Variants in OBI1 observed in about 807,000 individuals in gnomAD.
The protein encoded by OBI1 is ORC ubiquitin ligase 1.
A neutral mutation model predicts 62.4 loss-of-function variants in OBI1; 59 were observed. The observed-to-expected ratio is 0.95, with a 90% CI of 0.77 to 1.17. The LOEUF (loss-of-function observed/expected upper bound fraction) is 1.17. Among genes scored for constraint, OBI1 ranks in the 50% most tolerant of loss-of-function variants. The pLI is 0.00. For missense variants in OBI1, 875 were observed against 830.9 expected, an observed-to-expected ratio of 1.05 and a Z score of -0.65; for synonymous variants, 302 against 292.8, an observed-to-expected ratio of 1.03 and a Z score of -0.32.
At chr13:78,650,323 G>A (rs893611093) in intron 1 of OBI1, among the ~76,000 whole-genome samples, 1 of 152,198 alleles carries the variant, frequency 6.6e-6, no homozygotes, top group African/African-American at 2.4e-5. Context: ...TTGAAGTAAT[G>A]GTAGAGAATA....
At chr13:78,634,365 G>A (rs1243635949) in intron 5 of OBI1, among the ~76,000 whole-genome samples, 14 of 151,890 alleles carry the variant, frequency 9.2e-5, no homozygotes, top group African/African-American at 1.2e-4. Flanking sequence ...CATGATCTCG[G>A]CCCAATGCAA....
intron 4 of OBI1, among the ~76,000 whole-genome samples, chr13:78,638,399 G>T (rs1469653762): frequency 6.6e-6 from 1 of 152,142 alleles, no homozygotes; most frequent in African/African-American, 2.4e-5. Flanking sequence ...GAGAGTGGTA[G>T]CAAAAGAAAA....
At chr13:78,636,846 A>G (rs1331250594) in intron 4 of OBI1, among the ~76,000 whole-genome samples, 2 of 152,174 alleles carry the variant, frequency 1.3e-5, no homozygotes, top group Non-Finnish European at 2.9e-5. Context: ...CTTAAATTAG[A>G]AACTCATTTG....
intron 5 of OBI1, among the ~76,000 whole-genome samples, chr13:78,627,906 A>G (rs111292804): frequency 2.6e-5 from 4 of 152,188 alleles, no homozygotes; most frequent in Non-Finnish European, 4.4e-5. Flanking sequence ...TTACTTGTTT[A>G]TTCATTCAAT....
At chr13:78,656,931 G>A (rs1158735028) in intron 1 of OBI1, among the ~76,000 whole-genome samples, 4 of 150,900 alleles carry the variant, frequency 2.7e-5, no homozygotes, top group Non-Finnish European at 2.9e-5. Context: ...GATTACAGGC[G>A]CCTGCCACCA....
chr13:78,656,580 CT>C (rs1477145224), intron 1 of OBI1, among the ~76,000 whole-genome samples: 1 of 149,482 alleles, frequency 6.7e-6, no homozygotes, highest in Non-Finnish European at 1.5e-5. Flanking sequence ...GAAACTCCGT[CT>C]CAGAAAAAAA....
At chr13:78,634,127 AAAAC>A (rs964831159) in intron 5 of OBI1, among the ~76,000 whole-genome samples, 10 of 151,982 alleles carry the variant, frequency 6.6e-5, no homozygotes, top group Non-Finnish European at 1.0e-4. Flanking sequence ...ACAACAAAAA[AAAAC>A]AAACTACTCC....
intron 3 of OBI1, among the ~76,000 whole-genome samples, chr13:78,641,457 A>C (rs763226588): frequency 1.3e-5 from 2 of 152,190 alleles, no homozygotes; most frequent in Non-Finnish European, 2.9e-5. Flanking sequence ...GAGGGGATCG[A>C]TATCTCCTTC....
At chr13:78,634,363 C>T (rs1054132775) in intron 5 of OBI1, among the ~76,000 whole-genome samples, 2 of 151,536 alleles carry the variant, frequency 1.3e-5, no homozygotes, top group Admixed American at 6.6e-5. Flanking sequence ...GGCATGATCT[C>T]GGCCCAATGC....
intron 5 of OBI1, among the ~76,000 whole-genome samples, chr13:78,624,764 G>C (rs555112464): frequency 1.3e-5 from 2 of 152,272 alleles, no homozygotes; most frequent in Non-Finnish European, 2.9e-5. Context: ...TCAGCAGGTG[G>C]ATAAGGAGAA....
At chr13:78,627,457 T>C (rs1875710079) in intron 5 of OBI1, among the ~76,000 whole-genome samples, 1 of 152,022 alleles carries the variant, frequency 6.6e-6, no homozygotes, top group Non-Finnish European at 1.5e-5. Flanking sequence ...CCCTGGTGGG[T>C]GCTGTTCCCT....
At chr13:78,618,221 T>G (rs1875383236) in intron 5 of OBI1, among the ~76,000 whole-genome samples, 1 of 152,176 alleles carries the variant, frequency 6.6e-6, no homozygotes, top group Non-Finnish European at 1.5e-5. Context: ...CTTAATCATC[T>G]TTTTGATGAT....
rs779166269 is a variant in OBI1, at chr13:78,642,206, T to A, written c.216A>T (p.Thr72=). ...GGCTTAGCATAGGTTCACTTTCACT[T>A]GTTCCTCCTGTAGGGAAAAAAAAAA... The part of the protein sequence containing the change: ...ENPCKEIIGG[T]SESEPMLSHT... The change falls in exon 3 of 6, where the codon ACA becomes ACT. Residue 72 remains threonine, a synonymous_variant. Transcript: ENST00000282003. The A allele has an allele frequency of 1.9e-6, 3 of 1,596,400 alleles. No individual in the cohort carries two copies. Among genetic ancestry groups the A allele is most frequent in the Middle Eastern group, 1.7e-4 (1 of 6,032 alleles).
intron 1 of OBI1, among the ~76,000 whole-genome samples, chr13:78,647,243 T>C (rs2137463525): frequency 6.6e-6 from 1 of 152,290 alleles, no homozygotes; most frequent in South Asian, 2.1e-4. Flanking sequence ...GGAGGATTAG[T>C]AAAAGGGGAA....
intron 4 of OBI1, 113 bp downstream of exon 4, chr13:78,638,710 G>T: frequency 2.1e-6 from 2 of 970,314 alleles, no homozygotes; most frequent in Non-Finnish European, 3.0e-6. Flanking sequence ...CAGAGATTCT[G>T]TCCTTTCCTC....
intron 1 of OBI1, among the ~76,000 whole-genome samples, chr13:78,656,785 A>ATTTTTTTTTTTTTTTTTTT (rs1876720533): frequency 1.6e-5 from 1 of 62,200 alleles, no homozygotes; most frequent in Non-Finnish European, 3.2e-5. Flanking sequence ...ATTTTCTTTT[A>ATTTTTTTTTTTTTTTTTTT]TTTTTAATTT....
At chr13:78,623,621 T>G (rs1257858689) in intron 5 of OBI1, among the ~76,000 whole-genome samples, 1 of 152,220 alleles carries the variant, frequency 6.6e-6, no homozygotes, top group African/African-American at 2.4e-5. Flanking sequence ...TACTTGAACA[T>G]AAGGCCCTTC....
chr13:78,654,183 T>C (rs1483835478), intron 1 of OBI1, among the ~76,000 whole-genome samples: 1 of 152,188 alleles, frequency 6.6e-6, no homozygotes, highest in African/African-American at 2.4e-5. Flanking sequence ...GGAATTGTAC[T>C]TGTCAAGTAA....
intron 4 of OBI1, among the ~76,000 whole-genome samples, chr13:78,637,041 T>TTGA (rs1243849535): frequency 6.6e-6 from 1 of 152,196 alleles, no homozygotes; most frequent in African/African-American, 2.4e-5. Context: ...TGCCTACCTT[T>TTGA]TGCACCTAAA....
Sources: gnomAD v4.1 joint callset for allele counts (sites outside exome capture counted in the v4.1 genomes callset) on GRCh38, gnomAD v4.1.1 for gene constraint, MANE v1.5 for transcripts, NCBI Gene and HGNC (gene_info 2026-07-23, HGNC 2026-07-21) for gene names.